Variants in AGO3 observed in about 807,000 individuals in gnomAD.
The protein encoded by AGO3 is protein argonaute-3.
A neutral mutation model predicts 105.5 loss-of-function variants in AGO3; 16 were observed. The observed-to-expected ratio is 0.15, with a 90% CI of 0.10 to 0.23. AGO3 has a LOEUF of 0.23. AGO3 is among the 10% of genes least tolerant of loss of function. The pLI is 1.00. For synonymous variants in AGO3, 340 were observed against 367.3 expected, an observed-to-expected ratio of 0.93 and a Z score of 0.85; for missense variants, 534 against 1,088.0, an observed-to-expected ratio of 0.49 and a Z score of 7.16.
At chr1:35,983,461 G>A (rs1275866999) in intron 5 of AGO3, 1 of 151,464 alleles carries the variant, frequency 6.6e-6, no homozygotes, top group African/African-American at 2.4e-5. Flanking sequence ...GGTGTGGTGC[G>A]TACTTGTAGT....
intron 14 of AGO3, among the ~76,000 whole-genome samples, chr1:36,036,707 A>C (rs890809973): frequency 6.6e-6 from 1 of 151,700 alleles, no homozygotes; most frequent in Non-Finnish European, 1.5e-5. Context: ...TATTTTATTT[A>C]TTTTTTTCAG....
Position 36,008,143 on chromosome 1 carries a change from A to T in AGO3, c.794-547A>T, listed in dbSNP as rs1278460909. ...TGGAAAAGAGCTGTGTCACTATATT[A>T]TACCTCTATAAAAGTGTCACTTTGC... On this transcript the variant is annotated intron_variant, in intron 6 of 18. Transcript: ENST00000373191. The surrounding 1 kb of genome is among the most constrained non-coding windows in gnomAD (Gnocchi z 5.1). 3.3e-5 allele frequency among the ~76,000 whole-genome samples: 5 copies of T among 152,190 alleles called. No homozygotes were observed. The highest frequency in any genetic ancestry group is 2.6e-4 in the Admixed American group (4 of 15,276).
intron 12 of AGO3, among the ~76,000 whole-genome samples, chr1:36,030,986 C>G (rs1293961757): frequency 6.6e-6 from 1 of 152,100 alleles, no homozygotes; most frequent in Non-Finnish European, 1.5e-5. Context: ...CCCAATTTTT[C>G]CCTTCTGTAC....
intron 13 of AGO3, among the ~76,000 whole-genome samples, chr1:36,035,604 G>A (rs1641966124): frequency 6.6e-6 from 1 of 152,086 alleles, no homozygotes; most frequent in South Asian, 2.1e-4. Context: ...TTTTTAAAGA[G>A]TGATAAAAAT....
At chr1:36,020,265 G>C (rs997252646) in intron 11 of AGO3, among the ~76,000 whole-genome samples, 1 of 152,182 alleles carries the variant, frequency 6.6e-6, no homozygotes, top group African/African-American at 2.4e-5. Context: ...CTGTTTATTA[G>C]ATGGGTTATC....
intron 17 of AGO3, among the ~76,000 whole-genome samples, chr1:36,052,733 A>G (rs1276787985): frequency 6.6e-6 from 1 of 152,152 alleles, no homozygotes; most frequent in East Asian, 1.9e-4. Context: ...ATTAAAACCT[A>G]TATATATCAG....
At chr1:36,049,407 A>G (rs200512732) in intron 17 of AGO3, among the ~76,000 whole-genome samples, 1 of 152,060 alleles carries the variant, frequency 6.6e-6, no homozygotes, top group African/African-American at 2.4e-5. Context: ...AGTACCAGCT[A>G]CTTGGGAGGC....
chr1:35,958,737 T>C (rs716924), intron 2 of AGO3, among the ~76,000 whole-genome samples: 22,175 of 152,116 alleles, frequency 0.15, 3,784 homozygotes, highest in East Asian at 0.68. Context: ...GTTGCACAAG[T>C]ATTTATTGGC....
At chr1:35,993,260 C>T (rs982812440) in intron 5 of AGO3, among the ~76,000 whole-genome samples, 1 of 146,964 alleles carries the variant, frequency 6.8e-6, no homozygotes, top group Non-Finnish European at 1.5e-5. Flanking sequence ...CCAAAGTAAG[C>T]AGAAAGTAAG....
At chr1:36,010,375 G>A (rs190161520) in intron 9 of AGO3, among the ~76,000 whole-genome samples, 13 of 152,120 alleles carry the variant, frequency 8.5e-5, no homozygotes, top group African/African-American at 2.9e-4. Flanking sequence ...AGGCCAAGGC[G>A]GGTGGATCAC....
chr1:36,008,850 G>T lies in AGO3; in HGVS notation c.882-47G>T. The T allele has an allele frequency of 6.2e-7, 1 of 1,613,978 alleles. No homozygotes were observed. Among genetic ancestry groups the T allele is most frequent in the Non-Finnish European group, 8.5e-7 (1 of 1,180,002 alleles). On this transcript the variant is annotated intron_variant, in intron 7 of 18. Coordinates refer to ENST00000373191, the MANE Select transcript of AGO3 (RefSeq NM_024852.4). The surrounding 1 kb of genome is among the most constrained non-coding windows in gnomAD (Gnocchi z 5.1). ...AGTTAGTGGGGTTGGGAGTTTTTCT[G>T]GCTCATAATGGGCAAGAATTGTTCA...
chr1:36,052,636 T>C (rs1162917124), intron 17 of AGO3, among the ~76,000 whole-genome samples: 2 of 152,202 alleles, frequency 1.3e-5, no homozygotes, highest in East Asian at 3.8e-4. Flanking sequence ...TATCAAAATA[T>C]TACACTGTAC....
chr1:35,996,306 A>G (rs992298363), intron 5 of AGO3, among the ~76,000 whole-genome samples: 2 of 151,664 alleles, frequency 1.3e-5, no homozygotes, highest in African/African-American at 4.8e-5. Flanking sequence ...AGGGCAACAG[A>G]GCAAGACTCT....
In AGO3 at chr1:36,018,219, A is replaced by G. The variant is rs555905462; in HGVS notation, c.1406+4171A>G. ...CATCTCTTGACCTCGTGATCTGCCC[A>G]CCTCGGCCTCCCAAACTGCTGAGAT... On this transcript the variant is annotated intron_variant, in intron 11 of 18. Coordinates refer to ENST00000373191, the MANE Select transcript of AGO3 (RefSeq NM_024852.4). 3.3e-5 allele frequency among the ~76,000 whole-genome samples: 5 copies of G among 151,732 alleles called. No individual in the cohort carries two copies. In the South Asian group the frequency reaches 1.0e-3, roughly 32 times the overall value.
chr1:36,025,889 T>A (rs1641477546), intron 11 of AGO3, among the ~76,000 whole-genome samples: 1 of 151,790 alleles, frequency 6.6e-6, no homozygotes, highest in African/African-American at 2.4e-5. Context: ...AATACAAAAA[T>A]TAGCCAGGCG....
chr1:36,033,232 G>A (rs747412465), intron 12 of AGO3, among the ~76,000 whole-genome samples: 11 of 152,110 alleles, frequency 7.2e-5, no homozygotes, highest in Non-Finnish European at 1.5e-4. Context: ...AGCTACTCGG[G>A]AGGCTGAGGT....
chr1:35,959,809 A>G (rs1646640994), intron 2 of AGO3, among the ~76,000 whole-genome samples: 1 of 152,090 alleles, frequency 6.6e-6, no homozygotes, highest in Admixed American at 6.5e-5. Flanking sequence ...ATTGTAGTGT[A>G]TTCATTTGTT....
intron 2 of AGO3, among the ~76,000 whole-genome samples, chr1:35,966,120 T>C (rs1646770389): frequency 6.6e-6 from 1 of 152,184 alleles, no homozygotes; most frequent in Non-Finnish European, 1.5e-5. Context: ...CCACTGTGCC[T>C]GGCCTTGAAT....
chr1:35,978,173 G>C (rs571167511), intron 5 of AGO3, among the ~76,000 whole-genome samples: 1 of 152,154 alleles, frequency 6.6e-6, no homozygotes, highest in African/African-American at 2.4e-5. Context: ...ACTCTTTCTA[G>C]AGATGTAAGG....
Sources: gnomAD v4.1 joint callset for allele counts (sites outside exome capture counted in the v4.1 genomes callset) on GRCh38, gnomAD v4.1.1 for gene constraint, Gnocchi (gnomAD v3.1) non-coding constraint, MANE v1.5 for transcripts, NCBI Gene and HGNC (gene_info 2026-07-23, HGNC 2026-07-21) for gene names.